SYNPO: variants seen among roughly 807,000 people sequenced by gnomAD.
SYNPO encodes the protein synaptopodin.
A neutral mutation model predicts 49.5 loss-of-function variants in SYNPO; 19 were observed. The ratio of observed to expected loss-of-function variants is 0.38; its 90% CI spans 0.27 to 0.56. The LOEUF (loss-of-function observed/expected upper bound fraction) is 0.56. Among genes scored for constraint, SYNPO ranks in the 20% least tolerant of loss-of-function variants. SYNPO has a pLI of 0.68. For missense variants in SYNPO, 1,131 were observed against 1,248.3 expected (o/e 0.91, Z 1.42); for synonymous variants, 536 against 548.0 (o/e 0.98, Z 0.31).
At chr5:150,595,961 C>T in the SYNPO span, among the ~76,000 whole-genome samples, 1 of 152,182 alleles carries the variant, frequency 6.6e-6, no homozygotes, top group Non-Finnish European at 1.5e-5. Flanking sequence ...ATGGAGGGGC[C>T]TCCCCTGGGA....
intron 2 of SYNPO, among the ~76,000 whole-genome samples, chr5:150,632,870 C>T (rs947523052): frequency 2.6e-5 from 4 of 152,112 alleles, no homozygotes; most frequent in East Asian, 1.9e-4. Flanking sequence ...CCCAGAACAC[C>T]GCCCTCCTAG....
upstream of SYNPO, among the ~76,000 whole-genome samples, chr5:150,596,925 GCC>G (rs1561626574): frequency 9.3e-4 from 141 of 152,026 alleles, no homozygotes; most frequent in Admixed American, 3.0e-3. Flanking sequence ...GGGCTGGAAA[GCC>G]TCATGACTTC....
At chr5:150,638,602 G>A (rs1757794314), upstream of SYNPO, among the ~76,000 whole-genome samples, 1 of 152,210 alleles carries the variant, frequency 6.6e-6, no homozygotes, top group Non-Finnish European at 1.5e-5. Context: ...ATTTACAGAG[G>A]ACAGAGACCA....
chr5:150,649,922 G>A lies in SYNPO; in HGVS notation c.1647G>A (p.Leu549=), dbSNP rs370282880. The A allele has an allele frequency of 2.7e-5, 43 of 1,612,022 alleles. No homozygotes were observed. In the African/African-American group the frequency reaches 5.2e-4, roughly 20 times the overall value. The change falls in exon 2 of 3, where the codon CTG becomes CTA. Residue 549 remains leucine, a synonymous_variant. Transcript: ENST00000307662. The part of the protein sequence containing the change: ...TPPASLYHGY[L]PENGVLRPEP... ...CTGCCTCCCTCTACCATGGCTACCT[G>A]CCTGAGAACGGGGTCCTGCGCCCAG...
chr5:150,603,536 G>T (rs1200465237), intron 1 of SYNPO, among the ~76,000 whole-genome samples: 1 of 152,264 alleles, frequency 6.6e-6, no homozygotes, highest in African/African-American at 2.4e-5. Context: ...ATTCATTGGT[G>T]ATTTGTCTCA....
chr5:150,611,321 A>T (rs1756839774), intron 1 of SYNPO, among the ~76,000 whole-genome samples: 1 of 152,256 alleles, frequency 6.6e-6, no homozygotes, highest in South Asian at 2.1e-4. Context: ...TTCTGTGAAT[A>T]TGCATTGAGT....
chr5:150,606,097 T>C (rs1484062818), intron 1 of SYNPO, among the ~76,000 whole-genome samples: 2 of 152,204 alleles, frequency 1.3e-5, no homozygotes, highest in Non-Finnish European at 2.9e-5. Flanking sequence ...GTGGATATCA[T>C]GCAGATATCA....
intron 2 of SYNPO, among the ~76,000 whole-genome samples, chr5:150,654,787 T>C (rs1050962980): frequency 3.9e-5 from 6 of 152,202 alleles, no homozygotes; most frequent in African/African-American, 7.2e-5. Context: ...CATGGCAACA[T>C]GGCAAATGGT....
chr5:150,650,783 G>A, intron 2 of SYNPO: 1 of 1,292,764 alleles, frequency 7.7e-7, no homozygotes, highest in Non-Finnish European at 9.8e-7. Flanking sequence ...GCTGCCCCAG[G>A]GGGGCCTCCC....
At chr5:150,605,001 A>G (rs115564494) in intron 1 of SYNPO, among the ~76,000 whole-genome samples, 1 of 152,118 alleles carries the variant, frequency 6.6e-6, no homozygotes, top group Non-Finnish European at 1.5e-5. Flanking sequence ...GTGTTTCCTC[A>G]TCTGTAAAGT....
intron 1 of SYNPO, chr5:150,615,426 C>G (rs1756957832): frequency 6.6e-6 from 1 of 152,294 alleles, no homozygotes; most frequent in Admixed American, 6.5e-5. Context: ...GAGCCCTGCC[C>G]CCTCCCCACG....
intron 1 of SYNPO, among the ~76,000 whole-genome samples, chr5:150,647,236 C>T (rs1758133340): frequency 6.8e-6 from 1 of 146,968 alleles, no homozygotes; most frequent in East Asian, 2.0e-4. Context: ...AGAGCAAAAA[C>T]TCCTTCTCAA....
chr5:150,657,432 TCA>T lies in SYNPO; in HGVS notation c.*389_*390del, dbSNP rs58828199. 0.12 allele frequency: 16,276 copies of T among 138,864 alleles called. 773 individuals carry two copies. The highest frequency in any genetic ancestry group is 0.22 in the Middle Eastern group (63 of 292). 8.6% of individuals were successfully genotyped at this position (138,864 alleles called of 1,614,324 possible). A position where few individuals can be genotyped will look rare whatever the true frequency, so the allele number is the denominator to read the frequency against. ...CTCTCTCTTTCTCTCTCTCTCTCTC[TCA>T]CACACACACACACACACACACACAC... On this transcript the variant is annotated 3_prime_UTR_variant, in exon 3 of 3. Transcript: ENST00000307662.
intron 1 of SYNPO, chr5:150,617,690 G>A (rs1757018754): frequency 6.6e-6 from 1 of 152,078 alleles, no homozygotes; most frequent in South Asian, 2.1e-4. Context: ...TGTGGTGTAG[G>A]TACCTTTGCT....
chr5:150,624,343 G>A (rs1757274044), intron 2 of SYNPO, among the ~76,000 whole-genome samples: 1 of 152,168 alleles, frequency 6.6e-6, no homozygotes, highest in Non-Finnish European at 1.5e-5. Flanking sequence ...ACCAGTTATG[G>A]GGACAGAATC....
chr5:150,644,667 C>A (rs1428936923), intron 1 of SYNPO, among the ~76,000 whole-genome samples: 1 of 152,198 alleles, frequency 6.6e-6, no homozygotes, highest in Non-Finnish European at 1.5e-5. Flanking sequence ...GCCAAGGTCA[C>A]ACGGCTAGCA....
Position 150,650,056 on chromosome 5 carries a change from G to C in SYNPO, c.1781G>C (p.Ser594Thr). 4 of 1,613,124 alleles carry C rather than the reference G, an allele frequency of 2.5e-6. No individual in the cohort carries two copies. Among genetic ancestry groups the C allele is most frequent in the Non-Finnish European group, 3.4e-6 (4 of 1,179,980 alleles). Residue 594 changes from serine (S) to threonine (T), a missense_variant, in exon 2 of 3, where the codon AGC becomes ACC. By Grantham distance (58) the Ser-to-Thr change is moderately conservative (BLOSUM62 1). This residue lies in a region of SYNPO where 509 missense variants were observed against 484.5 expected (regional missense o/e 1.05). Coordinates refer to ENST00000307662, the MANE Select transcript of SYNPO (RefSeq NM_007286.6). ...SPRAASPAKP[S>T]SLDLVPNLPK... ...AGAGCTGCCTCGCCCGCCAAGCCCA[G>C]CTCCTTGGACCTGGTGCCCAACCTG...
rs116626855 is a variant in SYNPO at position 150,630,117 on chromosome 5, C to T, written c.400+11350C>T. ...CTTGAACCAGCTCAACCTTTCTATT[C>T]CCCTGGCAGTAGGTCAGAGAGGATC... is the stretch of plus-strand genomic sequence containing the variant. On this transcript the variant is annotated intron_variant, in intron 2 of 2. Coordinates refer to the SYNPO transcript ENST00000394243. Among the ~76,000 whole-genome samples the T allele has an allele frequency of 7.7e-3, 1,180 of 152,308 alleles. 20 individuals are homozygous for T. Among genetic ancestry groups the T allele is most frequent in the African/African-American group, 0.027 (1,139 of 41,566 alleles).
chr5:150,588,715 C>T, the SYNPO span, among the ~76,000 whole-genome samples: 1 of 151,924 alleles, frequency 6.6e-6, no homozygotes, highest in South Asian at 2.1e-4. Flanking sequence ...CAGGAGCTCC[C>T]AGGGGCCATA....
Sources: allele counts gnomAD v4.1 joint callset (sites outside exome capture counted in the v4.1 genomes callset), GRCh38; gene constraint gnomAD v4.1.1; regional missense constraint gnomAD v4.1.1; transcripts MANE v1.5; gene names NCBI Gene and HGNC (gene_info 2026-07-23, HGNC 2026-07-21).